The following COL5A2 variants were observed in gnomAD, a reference collection of about 807,000 sequenced individuals.
The protein encoded by COL5A2 is collagen alpha-2(V) chain.
A neutral mutation model predicts 208.2 loss-of-function variants in COL5A2; 23 were observed. The observed-to-expected ratio is 0.11, with a 90% CI of 0.08 to 0.16. COL5A2 has a LOEUF of 0.16. Among genes scored for constraint, COL5A2 ranks in the 10% least tolerant of loss-of-function variants. The pLI, the probability that COL5A2 is intolerant of heterozygous loss-of-function variation, is 1.00. For missense variants in COL5A2, 1,590 were observed against 1,956.4 expected, an observed-to-expected ratio of 0.81 and a Z score of 3.53; for synonymous variants, 625 against 628.5, an observed-to-expected ratio of 0.99 and a Z score of 0.08.
chr2:189,073,901 T>C (rs1686339511), intron 17 of COL5A2, among the ~76,000 whole-genome samples: 1 of 152,156 alleles, frequency 6.6e-6, no homozygotes, highest in South Asian at 2.1e-4. Context: ...GAGACCTTGA[T>C]CCATAGCACT....
At chr2:189,095,713 C>G (rs1686895761) in intron 6 of COL5A2, 1 of 151,938 alleles carries the variant, frequency 6.6e-6, no homozygotes, top group South Asian at 2.1e-4. Flanking sequence ...ACTTAGGACC[C>G]AATGTTATCA....
chr2:189,299,483 T>C, the COL5A2 span, among the ~76,000 whole-genome samples: 1 of 152,188 alleles, frequency 6.6e-6, no homozygotes, highest in Non-Finnish European at 1.5e-5. Context: ...AGATCTGATA[T>C]CAACATTCTG....
the COL5A2 span, among the ~76,000 whole-genome samples, chr2:189,419,090 A>G: frequency 6.6e-6 from 1 of 152,172 alleles, no homozygotes; most frequent in Non-Finnish European, 1.5e-5. Context: ...CAGGAAGATG[A>G]TTCTGAGAAG....
intron 1 of COL5A2, among the ~76,000 whole-genome samples, chr2:189,222,176 T>G (rs1382349270): frequency 6.6e-6 from 1 of 152,202 alleles, no homozygotes; most frequent in African/African-American, 2.4e-5. Flanking sequence ...TAAATTAGTC[T>G]AAATGTGCTT....
At chr2:189,313,706 T>C in the COL5A2 span, among the ~76,000 whole-genome samples, 1 of 152,064 alleles carries the variant, frequency 6.6e-6, no homozygotes, top group East Asian at 1.9e-4. Context: ...CCATCTCACA[T>C]GCAATGACCC....
chr2:189,407,914 TC>T, the COL5A2 span, among the ~76,000 whole-genome samples: 1 of 152,180 alleles, frequency 6.6e-6, no homozygotes, highest in Non-Finnish European at 1.5e-5. Flanking sequence ...AGGCTGCCTT[TC>T]CAGTAACAGC....
the COL5A2 span, among the ~76,000 whole-genome samples, chr2:189,383,716 A>C: frequency 9.7e-4 from 147 of 152,226 alleles, 2 homozygotes; most frequent in African/African-American, 3.2e-3. Context: ...CAGGATATTT[A>C]TTATATATAT....
At chr2:189,042,039 T>C (rs1349851364) in intron 49 of COL5A2, among the ~76,000 whole-genome samples, 3 of 152,216 alleles carry the variant, frequency 2.0e-5, no homozygotes, top group Non-Finnish European at 4.4e-5. Context: ...AGTGTTTAAG[T>C]GAAATTTCTG....
intron 1 of COL5A2, among the ~76,000 whole-genome samples, chr2:189,115,740 T>C (rs949536727): frequency 2.0e-5 from 3 of 152,212 alleles, no homozygotes; most frequent in Non-Finnish European, 4.4e-5. Context: ...CATTTAATGT[T>C]ATATAATCCG....
intron 8 of COL5A2, among the ~76,000 whole-genome samples, chr2:189,087,182 A>G (rs1686681253): frequency 6.6e-6 from 1 of 152,214 alleles, no homozygotes; most frequent in South Asian, 2.1e-4. Flanking sequence ...AAATAAGTTG[A>G]ATTAAAGGTT....
chr2:189,431,675 C>T, the COL5A2 span, among the ~76,000 whole-genome samples: 4 of 152,090 alleles, frequency 2.6e-5, no homozygotes. Context: ...CGAACAAAGC[C>T]TCCAAGAAAT....
rs1045835574 is a variant in COL5A2, at chr2:189,064,017, G to C, written c.1733C>G (p.Pro578Arg). The C allele has an allele frequency of 1.2e-6, 2 of 1,613,258 alleles. No homozygotes were observed. The highest frequency in any genetic ancestry group is 1.7e-6 in the Non-Finnish European group (2 of 1,179,634). Reference protein sequence around the residue: ...LPGARGLTGNPGVQGPEGKLG... With the variant: ...LPGARGLTGNRGVQGPEGKLG... ...TTTTCCTTCAGGACCTTGAACACCAGGATTTCCTGTCAAACCCTGAAAATA... is the reference window on the plus strand; with the variant it reads ...TTTTCCTTCAGGACCTTGAACACCACGATTTCCTGTCAAACCCTGAAAATA... The change falls in exon 26 of 54, where the codon CCT becomes CGT. Residue 578 changes from proline (P) to arginine (R), a missense_variant. Pro to Arg is a moderately radical substitution (Grantham distance 103, BLOSUM62 -2). Coordinates refer to ENST00000374866, the MANE Select transcript of COL5A2 (RefSeq NM_000393.5).
chr2:189,360,618 T>C, the COL5A2 span, among the ~76,000 whole-genome samples: 68 of 152,352 alleles, frequency 4.5e-4, 1 homozygote, highest in South Asian at 3.3e-3. Flanking sequence ...TTGTTGTTTT[T>C]TGTTTTATTT....
chr2:189,200,219 C>A lies in COL5A2; in HGVS notation c.-42+24929G>T, dbSNP rs115567115. 9.9e-3 allele frequency among the ~76,000 whole-genome samples: 1,507 copies of A among 152,174 alleles called. 29 individuals are homozygous for A. Among genetic ancestry groups the A allele is most frequent in the African/African-American group, 0.034 (1,396 of 41,522 alleles). On this transcript the variant is annotated intron_variant, in intron 1 of 10. Transcript: ENST00000649966. ...CTTGATGGTATAAAAAATAAATTAA[C>A]TAAACAACTAATCCAAATTAAGAGT...
chr2:189,433,621 G>T, the COL5A2 span, among the ~76,000 whole-genome samples: 10 of 152,240 alleles, frequency 6.6e-5, no homozygotes, highest in East Asian at 1.5e-3. Flanking sequence ...ACCCTCCCAA[G>T]ACTAAACCAG....
chr2:189,269,593 G>C, the COL5A2 span, among the ~76,000 whole-genome samples: 3 of 152,142 alleles, frequency 2.0e-5, no homozygotes, highest in Non-Finnish European at 2.9e-5. Context: ...GAAGTGACTT[G>C]ATCGTGGTGG....
chr2:189,212,665 G>A (rs1689230101), intron 1 of COL5A2, among the ~76,000 whole-genome samples: 1 of 151,100 alleles, frequency 6.6e-6, no homozygotes, highest in Non-Finnish European at 1.5e-5. Context: ...ATCTGCCAGG[G>A]CTCTCCTCCA....
chr2:189,402,251 C>T, the COL5A2 span, among the ~76,000 whole-genome samples: 4,249 of 152,256 alleles, frequency 0.028, 196 homozygotes, highest in African/African-American at 0.097. Flanking sequence ...TGGAGTCTCG[C>T]TCTATCACCA....
intron 1 of COL5A2, among the ~76,000 whole-genome samples, chr2:189,147,336 C>A (rs1227837695): frequency 6.6e-6 from 1 of 152,042 alleles, no homozygotes; most frequent in African/African-American, 2.4e-5. Context: ...ACAAATTAAG[C>A]AAACCAGAAA....
Sources: allele counts gnomAD v4.1 joint callset (sites outside exome capture counted in the v4.1 genomes callset), GRCh38; gene constraint gnomAD v4.1.1; transcripts MANE v1.5; gene names NCBI Gene and HGNC (gene_info 2026-07-23, HGNC 2026-07-21).